MAP3K15: variants seen among roughly 807,000 people sequenced by gnomAD.
The protein encoded by MAP3K15 is mitogen-activated protein kinase kinase kinase 15, also known as MAPK/ERK kinase kinase 15.
MAP3K15 carries 124 observed loss-of-function variants against 99.5 expected under a neutral mutation model. The ratio of observed to expected loss-of-function variants is 1.25; its 90% CI spans 1.08 to 1.45. MAP3K15 has a LOEUF of 1.45. MAP3K15 is among the 40% of genes most tolerant of loss of function. The pLI, the probability that MAP3K15 is intolerant of heterozygous loss-of-function variation, is 0.00. For synonymous variants in MAP3K15, 494 were observed against 439.6 expected (o/e 1.12, Z -1.55); for missense variants, 1,242 against 1,079.7 (o/e 1.15, Z -2.11).
At chrX:19,415,813 C>G (rs2063730050) in intron 9 of MAP3K15, among the ~76,000 whole-genome samples, 1 of 111,791 alleles carries the variant, frequency 8.9e-6, no homozygotes, top group Non-Finnish European at 1.9e-5. Context: ...AACATATATA[C>G]AAATCTCTTA....
chrX:19,360,763 T>G lies in MAP3K15; in HGVS notation c.3928A>C (p.Lys1310Gln). 1 of 1,208,509 alleles carries G rather than the reference T, an allele frequency of 8.3e-7. No individual in the cohort carries two copies. Among genetic ancestry groups the G allele is most frequent in the East Asian group, 3.0e-5 (1 of 33,801 alleles). Residue 1310 changes from lysine to glutamine, a missense_variant, in exon 29 of 29, where the codon AAA becomes CAA. Coordinates refer to ENST00000338883, the MANE Select transcript of MAP3K15 (RefSeq NM_001001671.4). Reference protein sequence around the residue: ...YRRAQEASETKDKA With the variant: ...YRRAQEASETQDKA ...GCTGATTGGTATCAAGCCTTGTCTT[T>G]GGTTTCTGAGGCCTCCTGAGCCCTT... is the stretch of plus-strand genomic sequence containing the variant.
chrX:19,428,619 A>G (rs2063852843), intron 7 of MAP3K15, among the ~76,000 whole-genome samples: 1 of 112,334 alleles, frequency 8.9e-6, no homozygotes, highest in African/African-American at 3.2e-5. Context: ...GGAGGAACTC[A>G]CAGAAGACAT....
intron 18 of MAP3K15, among the ~76,000 whole-genome samples, chrX:19,383,967 C>T (rs1025714424): frequency 9.0e-6 from 1 of 111,702 alleles, no homozygotes; most frequent in Non-Finnish European, 1.9e-5. Context: ...TCATAGGATC[C>T]GGCAACCCCA....
At chrX:19,456,702 A>T (rs963728182) in intron 6 of MAP3K15, among the ~76,000 whole-genome samples, 3 of 112,015 alleles carry the variant, frequency 2.7e-5, no homozygotes, top group Non-Finnish European at 5.6e-5. Flanking sequence ...TGCCGTCATA[A>T]GCTATTAGGA....
chrX:19,368,824 T>C (rs958007233), intron 25 of MAP3K15, among the ~76,000 whole-genome samples: 7 of 107,443 alleles, frequency 6.5e-5, no homozygotes, highest in African/African-American at 2.4e-4. Flanking sequence ...GTACTATATA[T>C]ACCTCTCTGA....
chrX:19,400,622 C>CCT lies in MAP3K15; in HGVS notation c.1884_1885dup (p.Gly629GlufsTer45), dbSNP rs2063601172. On this transcript the variant is annotated frameshift_variant, in exon 14 of 29. Coordinates refer to ENST00000338883, the MANE Select transcript of MAP3K15 (RefSeq NM_001001671.4). LOFTEE classifies it high-confidence loss of function. ...CTCTCCCTCCAGCTCCACCGTACTG[C>CCT]CTGCTGTATTGGTTATCATCTCTTT... 8.3e-7 allele frequency: 1 copy of CCT among 1,206,756 alleles called. No individual in the cohort carries two copies. The highest frequency in any genetic ancestry group is 1.1e-6 in the Non-Finnish European group (1 of 892,995).
chrX:19,489,251 T>C (rs1286110939), intron 1 of MAP3K15, among the ~76,000 whole-genome samples: 1 of 111,527 alleles, frequency 9.0e-6, no homozygotes, highest in Non-Finnish European at 1.9e-5. Flanking sequence ...ATCACACATC[T>C]GAAGAATATA....
At chrX:19,366,775 C>T (rs2063337666) in intron 25 of MAP3K15, among the ~76,000 whole-genome samples, 1 of 112,053 alleles carries the variant, frequency 8.9e-6, no homozygotes, top group Admixed American at 9.5e-5. Flanking sequence ...CTAATACACA[C>T]AAGGACAAGC....
chrX:19,411,031 A>G (rs931854824), intron 11 of MAP3K15, among the ~76,000 whole-genome samples: 1 of 110,387 alleles, frequency 9.1e-6, no homozygotes, highest in Non-Finnish European at 1.9e-5. Flanking sequence ...TAAAAATACA[A>G]AAATGAGCTG....
chrX:19,501,099 G>C (rs907875859), intron 1 of MAP3K15, among the ~76,000 whole-genome samples: 5 of 111,305 alleles, frequency 4.5e-5, no homozygotes, highest in African/African-American at 1.6e-4. Context: ...CAAGCCAACA[G>C]CCAAATCCAA....
chrX:19,416,705 T>C (rs188767758), intron 9 of MAP3K15, among the ~76,000 whole-genome samples: 4 of 112,402 alleles, frequency 3.6e-5, no homozygotes, highest in Admixed American at 9.4e-5. Flanking sequence ...AAGCCGTCAC[T>C]GCAGTTGTCA....
chrX:19,443,019 C>G, intron 6 of MAP3K15, among the ~76,000 whole-genome samples: 2 of 50,021 alleles, frequency 4.0e-5, no homozygotes, highest in Non-Finnish European at 7.2e-5. Flanking sequence ...CCACCATGCC[C>G]GGCTTTTTTT....
Position 19,384,640 on chromosome X carries a change from G to T in MAP3K15, c.2432-4363C>A, listed in dbSNP as rs986125195. Among the ~76,000 whole-genome samples the T allele has an allele frequency of 2.8e-5, 3 of 106,281 alleles. No individual in the cohort carries two copies. In the Admixed American group the frequency reaches 3.1e-4, roughly 11 times the overall value. 92.3% of individuals were successfully genotyped at this position (106,281 alleles called of 115,157 possible). On this transcript the variant is annotated intron_variant, in intron 18 of 28. Transcript: ENST00000338883. ...CACATGTAGTCTCAGCTACTTGGAA[G>T]GCTGAGGTGGGAGGATCACCTGAGC...
intron 7 of MAP3K15, among the ~76,000 whole-genome samples, chrX:19,427,981 A>C (rs2063845863): frequency 9.1e-6 from 1 of 110,258 alleles, no homozygotes; most frequent in Non-Finnish European, 1.9e-5. Context: ...TGACTGTTTT[A>C]TTTTCTTCTA....
At chrX:19,450,818 A>C (rs2064031180) in intron 6 of MAP3K15, among the ~76,000 whole-genome samples, 1 of 109,207 alleles carries the variant, frequency 9.2e-6, no homozygotes, top group South Asian at 4.0e-4. Flanking sequence ...CTTTAAGCAA[A>C]TATTTTTTTA....
In MAP3K15 at chrX:19,481,466, G is replaced by C. The variant is rs995474659; in HGVS notation, c.525+5016C>G. ...ATAGGAGTCATACTTCATGACCTTG[G>C]TTTGGGCTAAGAGTTCACAGATATA... is the stretch of plus-strand genomic sequence containing the variant. On this transcript the variant is annotated intron_variant, in intron 3 of 28. Transcript: ENST00000338883. Among the ~76,000 whole-genome samples the C allele has an allele frequency of 8.1e-5, 9 of 111,106 alleles. No homozygotes were observed. In the East Asian group the frequency reaches 2.5e-3, roughly 31 times the overall value.
intron 6 of MAP3K15, among the ~76,000 whole-genome samples, chrX:19,456,167 G>A (rs1219684446): frequency 9.0e-6 from 1 of 111,388 alleles, no homozygotes; most frequent in Non-Finnish European, 1.9e-5. Context: ...ATCCATATGT[G>A]TAGAAAAAGC....
At chrX:19,489,085 G>C (rs1263140966) in intron 1 of MAP3K15, 118 bp from the exon 2 acceptor site, 14 of 650,345 alleles carry the variant, frequency 2.2e-5, no homozygotes, top group Non-Finnish European at 3.1e-5. Context: ...AGCCTGTTAG[G>C]TAAAGTAAGG....
chrX:19,471,924 T>C (rs973999248), intron 3 of MAP3K15, among the ~76,000 whole-genome samples: 2 of 111,699 alleles, frequency 1.8e-5, no homozygotes, highest in East Asian at 2.8e-4. Context: ...AGACCCATCT[T>C]ACAAAAATAC....
Sources: allele counts gnomAD v4.1 joint callset (sites outside exome capture counted in the v4.1 genomes callset), GRCh38; gene constraint gnomAD v4.1.1; transcripts MANE v1.5; gene names NCBI Gene and HGNC (gene_info 2026-07-23, HGNC 2026-07-21).